RP1L1: variants seen among roughly 807,000 people sequenced by gnomAD.
RP1L1 encodes retinitis pigmentosa 1-like 1 protein.
A neutral mutation model predicts 15.7 loss-of-function variants in RP1L1; 27 were observed. That is an observed-to-expected ratio of 1.72 (90% CI 1.27 to 2.38). The LOEUF (loss-of-function observed/expected upper bound fraction) is 2.38. RP1L1 is among the 30% of genes most tolerant of loss of function. The probability of loss-of-function intolerance (pLI) is 0.00; values close to 1 mark genes in which losing one functional copy is unlikely to be tolerated. For synonymous variants in RP1L1, 1,813 were observed against 1,276.7 expected, an observed-to-expected ratio of 1.42 and a Z score of -8.96; for missense variants, 4,798 against 3,075.9, an observed-to-expected ratio of 1.56 and a Z score of -13.24.
At chr8:10,625,969 G>C (rs1798151050) in intron 1 of RP1L1, among the ~76,000 whole-genome samples, 1 of 152,008 alleles carries the variant, frequency 6.6e-6, no homozygotes, top group Non-Finnish European at 1.5e-5. Context: ...GGAGGAAGCA[G>C]GGAAGGAAAG....
At position 10,610,606 on chromosome 8, in the gene RP1L1, C is replaced by T. The variant is rs753525031; in HGVS notation, c.3492G>A (p.Gly1164=). Reference sequence around the variant, plus strand: ...AGAGGCCTGAGTCCAGCTGGTCTTCCCCAACGTCACATCCTGGCCACAGGT... The same window carrying T: ...AGAGGCCTGAGTCCAGCTGGTCTTCTCCAACGTCACATCCTGGCCACAGGT... ...SKDLWPGCDV[G]EDQLDSGLWE... Residue 1164 remains glycine (G), a synonymous_variant, in exon 4 of 4, where the codon GGG becomes GGA. Transcript: ENST00000382483. The T allele has an allele frequency of 3.1e-6, 5 of 1,613,574 alleles. No homozygotes were observed. The South Asian group carries it at 3.3e-5, about 11-fold the overall frequency.
At chr8:10,622,500 C>A in intron 2 of RP1L1, 93 bp downstream of exon 2, 1 of 1,569,688 alleles carries the variant, frequency 6.4e-7, no homozygotes, top group Non-Finnish European at 8.8e-7. Context: ...TCAAATGCCT[C>A]TTTTTAAGGA....
intron 1 of RP1L1, among the ~76,000 whole-genome samples, chr8:10,627,187 G>A (rs528796414): frequency 5.9e-5 from 9 of 152,208 alleles, no homozygotes; most frequent in South Asian, 2.1e-4. Context: ...GTACACCCAC[G>A]TTCATTGCAG....
In RP1L1 at chr8:10,610,444, G is replaced by A. The variant is rs1797823920; in HGVS notation, c.3654C>T (p.Ala1218=). ...CCTGTGTCACCAGGGTGCCGTCCAT[G>A]GCACAGGGTACGCTACTCTCCCCTG... is the stretch of plus-strand genomic sequence containing the variant. ...GGSGESSVPC[A]MDGTLVTQGT... Residue 1218 remains alanine (A), a synonymous_variant, in exon 4 of 4, where the codon GCC becomes GCT. Transcript: ENST00000382483. 3 of 1,613,838 alleles carry A rather than the reference G, an allele frequency of 1.9e-6. No individual in the cohort carries two copies. The highest frequency in any genetic ancestry group is 1.3e-5 in the African/African-American group (1 of 75,038).
At chr8:10,652,250 T>C (rs1798573557) in intron 1 of RP1L1, among the ~76,000 whole-genome samples, 1 of 152,152 alleles carries the variant, frequency 6.6e-6, no homozygotes, top group Admixed American at 6.5e-5. Flanking sequence ...AAGGAAATGA[T>C]TTTAGGATCA....
chr8:10,611,560 G>A lies in RP1L1; in HGVS notation c.2538C>T (p.Ser846=). 7 of 1,602,234 alleles carry A rather than the reference G, an allele frequency of 4.4e-6. No individual in the cohort carries two copies. The highest frequency in any genetic ancestry group is 4.3e-6 in the Non-Finnish European group (5 of 1,174,730). Residue 846 remains serine, a synonymous_variant, in exon 4 of 4, where the codon AGC becomes AGT. Transcript: ENST00000382483. The part of the protein sequence containing the change: ...EAQRGPSPEA[S]WLCGRYCPTP... ...TGGGACAGTACCTGCCACACAGCCA[G>A]CTAGCCTCAGGGGAGGGTCCCCGCT...
chr8:10,634,763 C>A (rs970018725), intron 1 of RP1L1, among the ~76,000 whole-genome samples: 1 of 152,166 alleles, frequency 6.6e-6, no homozygotes, highest in Non-Finnish European at 1.5e-5. Context: ...AACCCACCAG[C>A]CCCGGGGACC....
chr8:10,637,736 C>A (rs1201280014), intron 1 of RP1L1, among the ~76,000 whole-genome samples: 1 of 152,188 alleles, frequency 6.6e-6, no homozygotes, highest in Non-Finnish European at 1.5e-5. Context: ...TAACTTATCT[C>A]CTGCATAGGA....
At chr8:10,631,793 G>A (rs1309035236) in intron 1 of RP1L1, among the ~76,000 whole-genome samples, 4 of 152,316 alleles carry the variant, frequency 2.6e-5, no homozygotes, top group Middle Eastern at 3.4e-3. Flanking sequence ...AACAGACGAA[G>A]ACCAAGGGCG....
chr8:10,629,634 C>T (rs1798210393), intron 1 of RP1L1, among the ~76,000 whole-genome samples: 1 of 152,138 alleles, frequency 6.6e-6, no homozygotes, highest in Non-Finnish European at 1.5e-5. Context: ...CAGAGACCCT[C>T]CCCATAAATG....
intron 3 of RP1L1, among the ~76,000 whole-genome samples, chr8:10,615,266 C>T (rs181105667): frequency 1.8e-4 from 28 of 152,280 alleles, no homozygotes; most frequent in African/African-American, 5.1e-4. Flanking sequence ...TGTTTACTCG[C>T]CAAATTTTTC....
At chr8:10,654,769 GTTC>G (rs768237579) in intron 1 of RP1L1, 126 bp downstream of exon 1, 43 of 152,812 alleles carry the variant, frequency 2.8e-4, no homozygotes, top group Non-Finnish European at 4.4e-4. Context: ...CAAGCATCCT[GTTC>G]AAGACATCCC....
chr8:10,607,172 C>G lies in RP1L1; in HGVS notation c.6926G>C (p.Cys2309Ser), dbSNP rs761602894. Residue 2309 changes from cysteine to serine, a missense_variant, in exon 4 of 4, where the codon TGC becomes TCC. Cys to Ser is a moderately radical substitution (Grantham distance 112, BLOSUM62 -1). Coordinates refer to ENST00000382483, the MANE Select transcript of RP1L1 (RefSeq NM_178857.6). ...GTCATTTTCTGAGTCTTTCTGCCAGCAGTTGCCCCAAGAGGATGCTCTGGA... is the reference window on the plus strand; with the variant it reads ...GTCATTTTCTGAGTCTTTCTGCCAGGAGTTGCCCCAAGAGGATGCTCTGGA... ...SSSRASSWGN[C>S]WQKDSENDHV... 7.4e-6 allele frequency: 12 copies of G among 1,614,234 alleles called. No homozygotes were observed. The highest frequency in any genetic ancestry group is 1.0e-5 in the Non-Finnish European group (12 of 1,180,046).
intron 1 of RP1L1, among the ~76,000 whole-genome samples, chr8:10,635,834 G>A (rs1384584213): frequency 2.0e-5 from 3 of 152,244 alleles, no homozygotes; most frequent in Admixed American, 6.5e-5. Flanking sequence ...CGCTGAGAGT[G>A]GGGACTCAGG....
Position 10,609,725 on chromosome 8 carries a change from C to G in RP1L1, c.4373G>C (p.Ser1458Thr), listed in dbSNP as rs1441744845. The part of the protein sequence containing the change: ...EEPTEPPSHL[S>T]ETDPSASERQ... ...CTCGCTGGCACTTGGGTCCGTCTCG[C>G]TGAGATGACTAGGGGGCTCTGTGGG... is the stretch of plus-strand genomic sequence containing the variant. The change falls in exon 4 of 4, where the codon AGC becomes ACC. Residue 1458 changes from serine to threonine, a missense_variant. By Grantham distance (58) the Ser-to-Thr change is moderately conservative (BLOSUM62 1). Transcript: ENST00000382483. The G allele has an allele frequency of 1.2e-6, 2 of 1,613,376 alleles. No homozygotes were observed. The highest frequency in any genetic ancestry group is 1.7e-6 in the Non-Finnish European group (2 of 1,179,698).
chr8:10,625,503 A>G (rs1321967526), intron 1 of RP1L1, among the ~76,000 whole-genome samples: 1 of 53,824 alleles, frequency 1.9e-5, no homozygotes, highest in Non-Finnish European at 3.5e-5. Context: ...TGGGGAGCCC[A>G]TGGGGTGGGG....
chr8:10,612,378 G>T lies in RP1L1; in HGVS notation c.1720C>A (p.Pro574Thr). 1 of 1,612,822 alleles carries T rather than the reference G, an allele frequency of 6.2e-7. No homozygotes were observed. Among genetic ancestry groups the T allele is most frequent in the Non-Finnish European group, 8.5e-7 (1 of 1,180,012 alleles). The change falls in exon 4 of 4, where the codon CCC (proline) becomes ACC (threonine). Residue 574 changes from proline (P) to threonine (T), a missense_variant. Transcript: ENST00000382483. ...SQQEASEGGD[P>T]ASPALSLSSL... ...GAAAGACTCAGGGCTGGAGAAGCGG[G>T]GTCGCCTCCCTCGCTGGCCTCCTGC...
Position 10,623,204 on chromosome 8 carries a change from T to C in RP1L1, c.-3A>G. The C allele has an allele frequency of 1.3e-6, 2 of 1,547,800 alleles. No individual in the cohort carries two copies. The highest frequency in any genetic ancestry group is 1.7e-6 in the Non-Finnish European group (2 of 1,148,158). Reference sequence around the variant, plus strand: ...GCATTCCTGGGGGTGCTGTTCATGGTGTGGGGGCTCTGGCCGCTGTAACAG... The same window carrying C: ...GCATTCCTGGGGGTGCTGTTCATGGCGTGGGGGCTCTGGCCGCTGTAACAG... On this transcript the variant is annotated 5_prime_UTR_variant, in exon 2 of 4. Transcript: ENST00000382483.
In RP1L1 at chr8:10,609,216, G is replaced by T. The variant is rs771366725; in HGVS notation, c.4882C>A (p.Pro1628Thr). 3 of 1,610,064 alleles carry T rather than the reference G, an allele frequency of 1.9e-6. No homozygotes were observed. The highest frequency in any genetic ancestry group is 2.5e-6 in the Non-Finnish European group (3 of 1,179,896). ...AFSERTLGLG[P>T]LSFTLEDEPA... ...TCGTCCTCCAGGGTGAAGGAGAGGGGCCCCAGGCCCAGGGTCCGCTCAGAG... is the reference window on the plus strand; with the variant it reads ...TCGTCCTCCAGGGTGAAGGAGAGGGTCCCCAGGCCCAGGGTCCGCTCAGAG... The change falls in exon 4 of 4, where the codon CCC becomes ACC. Residue 1628 changes from proline to threonine, a missense_variant. Transcript: ENST00000382483.
Sources: gnomAD v4.1 joint callset for allele counts (sites outside exome capture counted in the v4.1 genomes callset) on GRCh38, gnomAD v4.1.1 for gene constraint, MANE v1.5 for transcripts, NCBI Gene and HGNC (gene_info 2026-07-23, HGNC 2026-07-21) for gene names.